DTNA: variants seen among roughly 807,000 people sequenced by gnomAD.
The protein encoded by DTNA is dystrophin-related protein 3.
Under a neutral mutation model 100.7 loss-of-function variants are expected in DTNA, and 43 were observed. The ratio of observed to expected loss-of-function variants is 0.43; its 90% CI spans 0.33 to 0.55. The LOEUF is 0.55. DTNA is among the 20% of genes least tolerant of loss of function. The pLI is 0.04. For missense variants in DTNA, 798 were observed against 953.9 expected (o/e 0.84, Z 2.15); for synonymous variants, 349 against 347.9 (o/e 1.00, Z -0.04).
intron 1 of DTNA, among the ~76,000 whole-genome samples, chr18:34,612,646 CA>C (rs2054462302): frequency 6.6e-6 from 1 of 152,132 alleles, no homozygotes; most frequent in South Asian, 2.1e-4. Flanking sequence ...TATTGAAAAG[CA>C]ATAAACAAAG....
At chr18:34,599,690 T>A (rs1354733076) in intron 1 of DTNA, among the ~76,000 whole-genome samples, 32 of 152,082 alleles carry the variant, frequency 2.1e-4, no homozygotes, top group Non-Finnish European at 2.9e-5. Flanking sequence ...TGTTTTCTTG[T>A]TGTTTCTTTT....
At position 34,839,297 on chromosome 18, in the gene DTNA, T is replaced by C. The variant is rs78492960; in HGVS notation, c.1346+460T>C. Among the ~76,000 whole-genome samples the C allele has an allele frequency of 4.4e-3, 667 of 152,350 alleles. 5 individuals carry two copies. The highest frequency in any genetic ancestry group is 0.016 in the African/African-American group (649 of 41,594). On this transcript the variant is annotated intron_variant, in intron 13 of 22. Transcript: ENST00000444659. ...TGAATCACAAAATGGAAATCATTTC[T>C]TTAACAATGATAACAGTGGGAACAA...
At chr18:34,653,638 C>A (rs1025538666) in intron 1 of DTNA, among the ~76,000 whole-genome samples, 1 of 152,014 alleles carries the variant, frequency 6.6e-6, no homozygotes, top group Non-Finnish European at 1.5e-5. Context: ...GCCTGGTCAA[C>A]GTGGTGAAAC....
intron 1 of DTNA, among the ~76,000 whole-genome samples, chr18:34,732,028 A>G (rs1166914733): frequency 6.6e-6 from 1 of 152,134 alleles, no homozygotes; most frequent in Non-Finnish European, 1.5e-5. Flanking sequence ...TCACCACCAA[A>G]TCAGTCTCCT....
intron 5 of DTNA, among the ~76,000 whole-genome samples, chr18:34,808,438 T>G (rs1025217618): frequency 2.0e-5 from 3 of 152,178 alleles, no homozygotes; most frequent in Non-Finnish European, 4.4e-5. Context: ...AATTACTGGT[T>G]AGAGAAAAAG....
intron 1 of DTNA, among the ~76,000 whole-genome samples, chr18:34,754,062 A>G (rs1331730835): frequency 1.3e-5 from 2 of 152,162 alleles, no homozygotes; most frequent in African/African-American, 2.4e-5. Flanking sequence ...TCCCTGGTAT[A>G]TTATCTAACC....
intron 14 of DTNA, among the ~76,000 whole-genome samples, chr18:34,851,298 C>G (rs2096473881): frequency 2.0e-5 from 3 of 152,118 alleles, no homozygotes; most frequent in Non-Finnish European, 1.5e-5. Context: ...GATGGGATTT[C>G]CCCATGTTGG....
intron 1 of DTNA, among the ~76,000 whole-genome samples, chr18:34,742,040 A>G (rs1344772633): frequency 6.6e-6 from 1 of 152,186 alleles, no homozygotes; most frequent in African/African-American, 2.4e-5. Flanking sequence ...TAGGAATCAC[A>G]GTAGGCCTGT....
chr18:34,838,061 C>T (rs774425793), intron 11 of DTNA, 33 bp from the exon 12 acceptor site: 17 of 1,605,240 alleles, frequency 1.1e-5, no homozygotes, highest in East Asian at 2.2e-5. Flanking sequence ...GCCGTGTTTA[C>T]GCTCTTCTTG....
chr18:34,781,137 G>GGCA (rs2094301449), intron 3 of DTNA, among the ~76,000 whole-genome samples: 1 of 152,180 alleles, frequency 6.6e-6, no homozygotes, highest in Non-Finnish European at 1.5e-5. Flanking sequence ...AGGAGAAAGA[G>GGCA]GCAGGGCCAA....
intron 21 of DTNA, among the ~76,000 whole-genome samples, chr18:34,882,792 T>C (rs1354189090): frequency 1.3e-5 from 2 of 152,204 alleles, no homozygotes; most frequent in Non-Finnish European, 2.9e-5. Context: ...TTAAGAAAGA[T>C]GCTTTTTCTC....
At chr18:34,825,952 T>A (rs931701537) in intron 9 of DTNA, among the ~76,000 whole-genome samples, 20 of 152,218 alleles carry the variant, frequency 1.3e-4, no homozygotes, top group African/African-American at 4.8e-4. Flanking sequence ...GACATTTGTA[T>A]AAAATTAGCA....
chr18:34,708,404 C>CAT (rs2082377993), upstream of DTNA, among the ~76,000 whole-genome samples: 1 of 152,166 alleles, frequency 6.6e-6, no homozygotes. Flanking sequence ...TAACAAATAA[C>CAT]ATATAGACCA....
intron 4 of DTNA, among the ~76,000 whole-genome samples, chr18:34,805,643 C>T (rs2095341753): frequency 6.6e-6 from 1 of 151,970 alleles, no homozygotes; most frequent in Non-Finnish European, 1.5e-5. Context: ...TACTTTTGCC[C>T]CTTTAAAATA....
intron 1 of DTNA, among the ~76,000 whole-genome samples, chr18:34,648,711 A>G (rs191096446): frequency 4.8e-4 from 73 of 152,336 alleles, no homozygotes; most frequent in Non-Finnish European, 9.0e-4. Context: ...GTCAAATAGC[A>G]AGCATTTAAA....
upstream of DTNA, among the ~76,000 whole-genome samples, chr18:34,710,129 A>G (rs1338319000): frequency 6.6e-6 from 1 of 152,146 alleles, no homozygotes; most frequent in Non-Finnish European, 1.5e-5. Flanking sequence ...AGCATATTCA[A>G]ATTAGACTTG....
chr18:34,526,093 A>G (rs1003313038), intron 1 of DTNA, among the ~76,000 whole-genome samples: 2 of 152,196 alleles, frequency 1.3e-5, no homozygotes, highest in East Asian at 1.9e-4. Context: ...GTTACATGAT[A>G]AAACAGCACG....
chr18:34,834,008 C>G (rs1276770375), intron 11 of DTNA, among the ~76,000 whole-genome samples: 3 of 152,168 alleles, frequency 2.0e-5, no homozygotes, highest in East Asian at 3.9e-4. Flanking sequence ...TCCCAAATCC[C>G]ACAAAGAATT....
At chr18:34,501,496 CCCTCT>C (rs2039919054) in intron 1 of DTNA, among the ~76,000 whole-genome samples, 1 of 152,016 alleles carries the variant, frequency 6.6e-6, no homozygotes, top group Non-Finnish European at 1.5e-5. Flanking sequence ...GGGATGTGTT[CCCTCT>C]TCTATTTTCT....
Sources: gnomAD v4.1 joint callset for allele counts (sites outside exome capture counted in the v4.1 genomes callset) on GRCh38, gnomAD v4.1.1 for gene constraint, MANE v1.5 for transcripts, NCBI Gene and HGNC (gene_info 2026-07-23, HGNC 2026-07-21) for gene names.